SLC3A1: variants seen among roughly 807,000 people sequenced by gnomAD.
SLC3A1 encodes the protein amino acid transporter heavy chain SLC3A1.
SLC3A1 carries 78 observed loss-of-function variants against 60.3 expected under a neutral mutation model. The observed-to-expected ratio is 1.29, with a 90% CI of 1.08 to 1.56. The LOEUF (loss-of-function observed/expected upper bound fraction) is 1.56. Ranked by LOEUF, SLC3A1 falls within the 40% of genes most tolerant of loss-of-function variation. The pLI is 0.00. For synonymous variants in SLC3A1, 392 were observed against 307.9 expected, an observed-to-expected ratio of 1.27 and a Z score of -2.86; for missense variants, 1,172 against 858.9, an observed-to-expected ratio of 1.36 and a Z score of -4.56.
intron 4 of SLC3A1, among the ~76,000 whole-genome samples, chr2:44,290,280 T>C (rs1011503012): frequency 2.6e-5 from 4 of 152,246 alleles, no homozygotes; most frequent in Admixed American, 6.5e-5. Context: ...TTCTGTTCCA[T>C]TCATCTATAT....
intron 7 of SLC3A1, among the ~76,000 whole-genome samples, chr2:44,309,042 T>C (rs1190641236): frequency 6.6e-6 from 1 of 152,158 alleles, no homozygotes; most frequent in Non-Finnish European, 1.5e-5. Context: ...TTCTGAGGAA[T>C]TTTTTGTTTT....
chr2:44,310,180 A>C (rs1020696915), intron 7 of SLC3A1, among the ~76,000 whole-genome samples: 9 of 152,208 alleles, frequency 5.9e-5, no homozygotes, highest in Non-Finnish European at 1.0e-4. Context: ...GGTGTGAGCC[A>C]CTGTGCCCAG....
chr2:44,296,337 C>T (rs1671843969), intron 4 of SLC3A1, among the ~76,000 whole-genome samples: 1 of 152,198 alleles, frequency 6.6e-6, no homozygotes, highest in Non-Finnish European at 1.5e-5. Context: ...AGGACTGTGT[C>T]TGTTGTATTT....
chr2:44,279,063 A>G (rs1414950881), intron 1 of SLC3A1, among the ~76,000 whole-genome samples: 2 of 151,674 alleles, frequency 1.3e-5, no homozygotes, highest in Admixed American at 1.3e-4. Context: ...CAGTGGCACA[A>G]TCTCACCTCA....
rs542758042 is a variant in SLC3A1, at chr2:44,320,623, T to G, written c.2042T>G (p.Leu681Arg). 6 of 1,613,710 alleles carry G rather than the reference T, an allele frequency of 3.7e-6. No homozygotes were observed. The African/African-American group carries it at 8.0e-5, about 22-fold the overall frequency. ...TGCTATTCCAGTGTACTGAACATAC[T>G]GTATACCTCGTGTTAGGCACCTTTA... ...RACYSSVLNI[L>R]YTSC The change falls in exon 10 of 10, where the codon CTG (leucine) becomes CGG (arginine). Residue 681 changes from leucine to arginine, a missense_variant. Physicochemically the swap from Leu to Arg is moderately radical, Grantham distance 102 (BLOSUM62 -2). Coordinates refer to ENST00000260649, the MANE Select transcript of SLC3A1 (RefSeq NM_000341.4).
At chr2:44,277,157 G>T (rs1671367029) in intron 1 of SLC3A1, among the ~76,000 whole-genome samples, 1 of 146,014 alleles carries the variant, frequency 6.8e-6, no homozygotes, top group African/African-American at 2.6e-5. Context: ...GCCCAGGCTG[G>T]AGTGCAATGG....
intron 7 of SLC3A1, among the ~76,000 whole-genome samples, chr2:44,311,039 C>T (rs781583614): frequency 5.9e-5 from 9 of 152,112 alleles, no homozygotes; most frequent in Non-Finnish European, 1.2e-4. Flanking sequence ...CAAGCATCTT[C>T]CTGCCTTGGC....
chr2:44,318,042 TAC>T, intron 9 of SLC3A1: 1 of 420,356 alleles, frequency 2.4e-6, no homozygotes, highest in Admixed American at 2.8e-5. Context: ...CCATTCCTAA[TAC>T]TTAGAAATAT....
intron 7 of SLC3A1, among the ~76,000 whole-genome samples, chr2:44,310,203 T>A (rs902632693): frequency 1.3e-5 from 2 of 152,216 alleles, no homozygotes; most frequent in Non-Finnish European, 2.9e-5. Flanking sequence ...TTGGATCATA[T>A]AGTACTTCTG....
intron 4 of SLC3A1, among the ~76,000 whole-genome samples, chr2:44,291,133 C>T (rs1195486975): frequency 6.6e-6 from 1 of 152,164 alleles, no homozygotes; most frequent in Non-Finnish European, 1.5e-5. Context: ...TAACCACAAT[C>T]CTACACCTGC....
chr2:44,283,314 C>A (rs1425401823), intron 3 of SLC3A1, among the ~76,000 whole-genome samples: 1 of 152,226 alleles, frequency 6.6e-6, no homozygotes, highest in Non-Finnish European at 1.5e-5. Flanking sequence ...AGGCTGTCAG[C>A]AAGTCCTGGC....
chr2:44,317,810 G>A (rs142090460), intron 9 of SLC3A1: 1,643 of 158,852 alleles, frequency 0.01, 29 homozygotes, highest in African/African-American at 0.037. Flanking sequence ...ATAAAATAGG[G>A]CTTCCGAATT....
At chr2:44,297,066 C>T (rs562974171) in intron 4 of SLC3A1, among the ~76,000 whole-genome samples, 1 of 152,218 alleles carries the variant, frequency 6.6e-6, no homozygotes, top group East Asian at 1.9e-4. Flanking sequence ...AGAACAAACT[C>T]TAATACACAA....
At chr2:44,299,539 G>A (rs1348913093) in intron 4 of SLC3A1, among the ~76,000 whole-genome samples, 2 of 152,168 alleles carry the variant, frequency 1.3e-5, no homozygotes, top group Non-Finnish European at 2.9e-5. Flanking sequence ...CTAGTAAGGA[G>A]TGAAATATTT....
rs1315337213 is a variant in SLC3A1 at position 44,314,176 on chromosome 2, T to C, written c.1617+225T>C. ...GTGAAGTGAAGTATCATATAGAATATACAAGTCTTCATTGCAATGACCTTT... is the reference window on the plus strand; with the variant it reads ...GTGAAGTGAAGTATCATATAGAATACACAAGTCTTCATTGCAATGACCTTT... On this transcript the variant is annotated intron_variant, in intron 9 of 9. Transcript: ENST00000260649. The C allele has an allele frequency of 4.4e-6, 5 of 1,131,738 alleles. No individual in the cohort carries two copies. The East Asian group carries it at 7.7e-5, about 18-fold the overall frequency. The allele number at this position is 1,131,738 out of a possible 1,614,324, so 70.1% of individuals were successfully genotyped here.
At chr2:44,277,973 A>T (rs552645469) in intron 1 of SLC3A1, among the ~76,000 whole-genome samples, 1 of 152,122 alleles carries the variant, frequency 6.6e-6, no homozygotes, top group African/African-American at 2.4e-5. Context: ...GTGGGGTGGG[A>T]TCCCTTGTTT....
At chr2:44,313,472 C>T (rs1437927735) in intron 8 of SLC3A1, among the ~76,000 whole-genome samples, 1 of 152,142 alleles carries the variant, frequency 6.6e-6, no homozygotes, top group Non-Finnish European at 1.5e-5. Flanking sequence ...CTCACTTGTA[C>T]ATGGCAGTGT....
chr2:44,312,167 T>A (rs17579904), intron 7 of SLC3A1, among the ~76,000 whole-genome samples: 2 of 152,186 alleles, frequency 1.3e-5, no homozygotes, highest in African/African-American at 4.8e-5. Context: ...TTTAAAAATT[T>A]TGTCTGAATA....
In SLC3A1 at chr2:44,320,403, C is replaced by T. The variant is rs973226196; in HGVS notation, c.1822C>T (p.His608Tyr). 1.7e-5 allele frequency: 28 copies of T among 1,613,874 alleles called. No individual in the cohort carries two copies. Among genetic ancestry groups the T allele is most frequent in the Non-Finnish European group, 2.3e-5 (27 of 1,179,858 alleles). Residue 608 changes from histidine (H) to tyrosine (Y), a missense_variant, in exon 10 of 10, where the codon CAT (histidine) becomes TAT (tyrosine). By Grantham distance (83) the His-to-Tyr change is moderately conservative. Coordinates refer to ENST00000260649, the MANE Select transcript of SLC3A1 (RefSeq NM_000341.4). ...TGGAGAATCAACACTGTTAAATCTA[C>T]ATAATATGATTTCGGGCCTTCCCGC... ...NFGESTLLNLHNMISGLPAKM... is the reference protein window; with the variant it reads ...NFGESTLLNLYNMISGLPAKM...
Sources: allele counts gnomAD v4.1 joint callset (sites outside exome capture counted in the v4.1 genomes callset), GRCh38; gene constraint gnomAD v4.1.1; transcripts MANE v1.5; gene names NCBI Gene and HGNC (gene_info 2026-07-23, HGNC 2026-07-21).